Variants in ASPRV1 observed in about 807,000 individuals in gnomAD.
ASPRV1 encodes the protein aspartic peptidase retroviral like 1.
In ASPRV1, 7 loss-of-function variants were observed where a neutral mutation model predicts 11.0. The observed-to-expected ratio is 0.64, with a 90% CI of 0.36 to 1.20. The LOEUF (loss-of-function observed/expected upper bound fraction) is 1.20, where lower values mean the gene tolerates loss of function less well. Among genes scored for constraint, ASPRV1 ranks in the 50% most tolerant of loss-of-function variants. The probability of loss-of-function intolerance (pLI) is 0.02; values close to 1 mark genes in which losing one functional copy is unlikely to be tolerated. For missense variants in ASPRV1, 299 were observed against 320.0 expected (o/e 0.93, Z 0.50); for synonymous variants, 136 against 138.4 (o/e 0.98, Z 0.12).
Position 69,961,419 on chromosome 2 carries a change from G to A in ASPRV1, c.18C>T (p.Ala6=), listed in dbSNP as rs1366660733. The change falls in exon 1 of 1, where the codon GCC becomes GCT. Residue 6 remains alanine, a synonymous_variant. Coordinates refer to ENST00000320256, the MANE Select transcript of ASPRV1 (RefSeq NM_152792.4). MAGSG[A]RSEEGRRQHA... ...GCTGCCGGCGGCCTTCCTCACTCCT[G>A]GCTCCGCTCCCGGCCATCCTGCTGC... 22 of 1,613,956 alleles carry A rather than the reference G, an allele frequency of 1.4e-5. No homozygotes were observed. The highest frequency in any genetic ancestry group is 1.7e-5 in the Non-Finnish European group (20 of 1,180,038).
the ASPRV1 span, among the ~76,000 whole-genome samples, chr2:69,987,930 A>G: frequency 3.9e-5 from 6 of 152,100 alleles, no homozygotes; most frequent in South Asian, 2.1e-4. Context: ...TCCAACAAAT[A>G]CTTATCAAGC....
At chr2:70,058,612 G>A in the ASPRV1 span, among the ~76,000 whole-genome samples, 2 of 147,832 alleles carry the variant, frequency 1.4e-5, no homozygotes, top group African/African-American at 5.0e-5. Context: ...GAGTGCAACG[G>A]TATGATCTCG....
chr2:69,937,070 T>G, the ASPRV1 span: 1 of 884,158 alleles, frequency 1.1e-6, no homozygotes, highest in Non-Finnish European at 1.9e-6. Flanking sequence ...AAGCCAGGAG[T>G]CACTGGCCAG....
At chr2:70,027,918 G>GT in the ASPRV1 span, among the ~76,000 whole-genome samples, 1 of 152,152 alleles carries the variant, frequency 6.6e-6, no homozygotes, top group Non-Finnish European at 1.5e-5. Context: ...TACATTGTAT[G>GT]TATCAGAATA....
downstream of ASPRV1, among the ~76,000 whole-genome samples, chr2:69,956,473 GAAGAAA>G (rs1251454587): frequency 6.8e-4 from 102 of 149,088 alleles, 1 homozygote; most frequent in African/African-American, 2.4e-3. Context: ...AGAAGAAGAA[GAAGAAA>G]AGAGGAAGAA....
chr2:69,993,497 CT>C, the ASPRV1 span: 2 of 152,246 alleles, frequency 1.3e-5, no homozygotes, highest in South Asian at 2.1e-4. Context: ...GACTTGCCCC[CT>C]GAACCTGAGA....
the ASPRV1 span, among the ~76,000 whole-genome samples, chr2:69,978,602 T>C: frequency 1.3e-5 from 2 of 152,144 alleles, no homozygotes; most frequent in African/African-American, 4.8e-5. Flanking sequence ...CCTCACAGAT[T>C]ACACCAACGA....
the ASPRV1 span, among the ~76,000 whole-genome samples, chr2:70,038,853 C>T: frequency 2.6e-5 from 4 of 151,928 alleles, no homozygotes; most frequent in African/African-American, 4.8e-5. Flanking sequence ...CCGAGGTGGG[C>T]GGATCACCTG....
the ASPRV1 span, among the ~76,000 whole-genome samples, chr2:70,018,709 C>T: frequency 6.6e-6 from 1 of 152,176 alleles, no homozygotes; most frequent in Non-Finnish European, 1.5e-5. Context: ...GCTGGAAAAA[C>T]TGGATATTCA....
At chr2:69,956,508 G>C (rs1426714837), downstream of ASPRV1, among the ~76,000 whole-genome samples, 1 of 149,726 alleles carries the variant, frequency 6.7e-6, no homozygotes. Context: ...AAGCAGAGGA[G>C]GAGGGGAGGA....
chr2:70,053,849 C>A, the ASPRV1 span: 1 of 152,184 alleles, frequency 6.6e-6, no homozygotes, highest in Non-Finnish European at 1.5e-5. Context: ...TAGACAAAAC[C>A]CAAAAGTAAT....
chr2:69,945,190 GA>G, the ASPRV1 span, among the ~76,000 whole-genome samples: 1 of 152,136 alleles, frequency 6.6e-6, no homozygotes, highest in Non-Finnish European at 1.5e-5. Flanking sequence ...TTTGAGCTAT[GA>G]TTGTACCACT....
the ASPRV1 span, among the ~76,000 whole-genome samples, chr2:70,082,479 G>A: frequency 2.0e-5 from 3 of 152,116 alleles, no homozygotes; most frequent in African/African-American, 7.2e-5. Flanking sequence ...GGGAGGCCGG[G>A]GCAGGCAGAT....
the ASPRV1 span, chr2:70,070,856 G>C: frequency 7.0e-6 from 1 of 142,092 alleles, no homozygotes; most frequent in Admixed American, 7.1e-5. Context: ...AGCCAGGAAA[G>C]ACAAACTATA....
At chr2:70,056,703 ATG>A in the ASPRV1 span, 2 of 136,142 alleles carry the variant, frequency 1.5e-5, no homozygotes, top group African/African-American at 2.8e-5. Flanking sequence ...GGTAAATTTT[ATG>A]TGTGTTTTTT....
At chr2:70,074,600 G>A in the ASPRV1 span, among the ~76,000 whole-genome samples, 1 of 151,618 alleles carries the variant, frequency 6.6e-6, no homozygotes, top group South Asian at 2.1e-4. Context: ...TAATGAATAA[G>A]GACCATAAAA....
chr2:69,935,217 C>T, the ASPRV1 span: 1 of 649,110 alleles, frequency 1.5e-6, no homozygotes, highest in South Asian at 1.8e-5. Flanking sequence ...TATGTTTATT[C>T]AGCAAAAGGT....
chr2:70,049,412 T>A, the ASPRV1 span: 7 of 152,094 alleles, frequency 4.6e-5, no homozygotes, highest in Admixed American at 2.6e-4. Flanking sequence ...TATGTGGGTG[T>A]GTTCTCTTAT....
At chr2:69,964,520 A>G (rs1399507254), upstream of ASPRV1, 1 of 288,022 alleles carries the variant, frequency 3.5e-6, no homozygotes, top group African/African-American at 2.2e-5. Context: ...GCACACAGAG[A>G]CCTTGGAATG....
Sources: allele counts gnomAD v4.1 joint callset (sites outside exome capture counted in the v4.1 genomes callset), GRCh38; gene constraint gnomAD v4.1.1; transcripts MANE v1.5; gene names NCBI Gene and HGNC (gene_info 2026-07-23, HGNC 2026-07-21).